PRKN: variants seen among roughly 807,000 people sequenced by gnomAD.
PRKN encodes the protein parkin RBR E3 ubiquitin protein ligase.
A neutral mutation model predicts 59.5 loss-of-function variants in PRKN; 56 were observed. That is an observed-to-expected ratio of 0.94 (90% CI 0.76 to 1.18). The LOEUF (loss-of-function observed/expected upper bound fraction) is 1.18, where lower values mean the gene tolerates loss of function less well. Ranked by LOEUF, PRKN falls within the 50% of genes most tolerant of loss-of-function variation. The pLI, the probability that PRKN is intolerant of heterozygous loss-of-function variation, is 0.00. For synonymous variants in PRKN, 250 were observed against 222.1 expected, an observed-to-expected ratio of 1.13 and a Z score of -1.12; for missense variants, 657 against 596.4, an observed-to-expected ratio of 1.10 and a Z score of -1.06.
intron 2 of PRKN, among the ~76,000 whole-genome samples, chr6:162,328,736 G>C (rs1003816832): frequency 1.3e-5 from 2 of 152,166 alleles, no homozygotes; most frequent in Non-Finnish European, 2.9e-5. Context: ...ATTAAAACAG[G>C]CTCCAGGGAT....
At chr6:161,949,873 C>A (rs1422085306) in intron 6 of PRKN, among the ~76,000 whole-genome samples, 1 of 152,212 alleles carries the variant, frequency 6.6e-6, no homozygotes, top group Non-Finnish European at 1.5e-5. Flanking sequence ...CTGTCCAGGT[C>A]AGCTCAATTT....
intron 2 of PRKN, among the ~76,000 whole-genome samples, chr6:162,363,361 C>A (rs1458019520): frequency 1.0e-5 from 1 of 98,888 alleles, no homozygotes; most frequent in Non-Finnish European, 1.9e-5. Flanking sequence ...TACTACTAAC[C>A]CCCTTTCTGT....
At chr6:162,706,432 A>G (rs966260063) in intron 1 of PRKN, among the ~76,000 whole-genome samples, 1 of 152,230 alleles carries the variant, frequency 6.6e-6, no homozygotes, top group Non-Finnish European at 1.5e-5. Flanking sequence ...GAAACTTTTT[A>G]GCTTCATCTG....
rs9458270 is a variant in PRKN, at chr6:161,461,588, A to G, written c.1084-74711T>C. Among the ~76,000 whole-genome samples, 1,162 of 152,218 alleles carry G rather than the reference A, an allele frequency of 7.6e-3. 16 individuals are homozygous for G. The highest frequency in any genetic ancestry group is 0.026 in the African/African-American group (1,089 of 41,502). ...AGGAATCACTGGCCTTCTGGAATCAATCAGTTATCAGTCAGCCACTGGAGA... is the reference window on the plus strand; with the variant it reads ...AGGAATCACTGGCCTTCTGGAATCAGTCAGTTATCAGTCAGCCACTGGAGA... On this transcript the variant is annotated intron_variant, in intron 9 of 11. Transcript: ENST00000366898. This position sits in a 1 kb window ranked among gnomAD's most constrained non-coding sequence, Gnocchi z 5.1.
chr6:162,547,337 A>G lies in PRKN; in HGVS notation c.8-103864T>C, dbSNP rs113575722. On this transcript the variant is annotated intron_variant, in intron 1 of 11. Coordinates refer to ENST00000366898, the MANE Select transcript of PRKN (RefSeq NM_004562.3). ...CAGCATTTACTGAGGGCATGGCAAG[A>G]TTTACTAAGTCTTGTTTCTCATGTT... is the stretch of plus-strand genomic sequence containing the variant. Among the ~76,000 whole-genome samples the G allele has an allele frequency of 1.6e-3, 251 of 152,294 alleles. 1 individual carries two copies. Among genetic ancestry groups the G allele is most frequent in the African/African-American group, 5.5e-3 (229 of 41,554 alleles).
In PRKN at chr6:161,965,888, C is replaced by T. The variant is rs114264383; in HGVS notation, c.734+7414G>A. On this transcript the variant is annotated intron_variant, in intron 6 of 11. Transcript: ENST00000366898. ...CTTCTGAGGTCTTATAATGGCTACC[C>T]TTAGAGACAATAGAGGACAAATGTC... Among the ~76,000 whole-genome samples, 1,148 of 152,106 alleles carry T rather than the reference C, an allele frequency of 7.5e-3. 23 individuals carry two copies. The highest frequency in any genetic ancestry group is 0.027 in the African/African-American group (1,101 of 41,402).
intron 4 of PRKN, among the ~76,000 whole-genome samples, chr6:162,143,309 C>A (rs938331008): frequency 6.6e-6 from 1 of 152,180 alleles, no homozygotes; most frequent in East Asian, 1.9e-4. Context: ...CTGGCTGGTA[C>A]GAGTCTTTAT....
chr6:161,574,487 A>G (rs1781058421), intron 7 of PRKN, among the ~76,000 whole-genome samples: 1 of 152,082 alleles, frequency 6.6e-6, no homozygotes, highest in African/African-American at 2.4e-5. Context: ...ACTGCATATT[A>G]CTTTACGTAA....
At chr6:162,153,824 C>CGTAGAGA (rs1782381723) in intron 4 of PRKN, among the ~76,000 whole-genome samples, 2 of 152,076 alleles carry the variant, frequency 1.3e-5, no homozygotes, top group African/African-American at 4.8e-5. Flanking sequence ...CCCCAATGTC[C>CGTAGAGA]AGCCATTTCC....
chr6:162,097,238 A>T (rs1227353358), intron 4 of PRKN, among the ~76,000 whole-genome samples: 2 of 152,194 alleles, frequency 1.3e-5, no homozygotes, highest in African/African-American at 4.8e-5. Context: ...AAAAAAGTTA[A>T]AACTGTCTGT....
intron 4 of PRKN, among the ~76,000 whole-genome samples, chr6:162,111,524 G>A (rs971602837): frequency 1.1e-4 from 16 of 151,984 alleles, no homozygotes; most frequent in African/African-American, 3.4e-4. Flanking sequence ...ACGCACACAC[G>A]GACGTGCACA....
At position 161,454,027 on chromosome 6, in the gene PRKN, A is replaced by G. The variant is rs1789860502; in HGVS notation, c.1084-67150T>C. On this transcript the variant is annotated intron_variant, in intron 9 of 11. Coordinates refer to ENST00000366898, the MANE Select transcript of PRKN (RefSeq NM_004562.3). This position sits in a 1 kb window ranked among gnomAD's most constrained non-coding sequence, Gnocchi z 4.6. The stretch of plus-strand genomic sequence containing the variant: ...GTGTTTTCTTGGTGTCTGCAATGCA[A>G]ATTCTGATGTCAGTAAATACATTGA... Among the ~76,000 whole-genome samples, 1 of 152,098 alleles carries G rather than the reference A, an allele frequency of 6.6e-6. No homozygotes were observed. Among genetic ancestry groups the G allele is most frequent in the South Asian group, 2.1e-4 (1 of 4,830 alleles).
chr6:162,232,044 AT>A (rs1423824053), intron 3 of PRKN, among the ~76,000 whole-genome samples: 1 of 152,140 alleles, frequency 6.6e-6, no homozygotes, highest in Non-Finnish European at 1.5e-5. Flanking sequence ...AGGGAGGTTA[AT>A]TTCACAGCCC....
At chr6:162,414,822 C>T (rs1788545566) in intron 2 of PRKN, among the ~76,000 whole-genome samples, 1 of 151,192 alleles carries the variant, frequency 6.6e-6, no homozygotes, top group African/African-American at 2.4e-5. Context: ...AGTGAGCATT[C>T]TTAAAACTGA....
chr6:161,938,712 T>G (rs907149010), intron 6 of PRKN, among the ~76,000 whole-genome samples: 6 of 152,244 alleles, frequency 3.9e-5, no homozygotes, highest in Non-Finnish European at 7.3e-5. Context: ...TATGTGCCAC[T>G]TACAGTGTTT....
At chr6:162,596,674 A>C (rs966813284) in intron 1 of PRKN, among the ~76,000 whole-genome samples, 6 of 152,224 alleles carry the variant, frequency 3.9e-5, no homozygotes, top group African/African-American at 1.2e-4. Context: ...GAAATCAGGT[A>C]TCTGACTATC....
chr6:161,726,438 G>A (rs1234126963), intron 7 of PRKN, among the ~76,000 whole-genome samples: 1 of 152,220 alleles, frequency 6.6e-6, no homozygotes. Context: ...TCCGGCACAT[G>A]GCAGGTGCTT....
chr6:162,007,146 G>T (rs1270014251), intron 5 of PRKN, among the ~76,000 whole-genome samples: 1 of 152,082 alleles, frequency 6.6e-6, no homozygotes, highest in African/African-American at 2.4e-5. Flanking sequence ...AAGCAAGGTT[G>T]CTATTAGTCA....
intron 1 of PRKN, among the ~76,000 whole-genome samples, chr6:162,493,384 G>A (rs1029922215): frequency 9.9e-5 from 15 of 152,228 alleles, no homozygotes; most frequent in Admixed American, 3.9e-4. Flanking sequence ...TTTCAGATGC[G>A]GTTGGTTACA....
Sources: gnomAD v4.1 joint callset for allele counts (sites outside exome capture counted in the v4.1 genomes callset) on GRCh38, gnomAD v4.1.1 for gene constraint, Gnocchi (gnomAD v3.1) non-coding constraint, MANE v1.5 for transcripts, NCBI Gene and HGNC (gene_info 2026-07-23, HGNC 2026-07-21) for gene names.